HSPA12A: variants seen among roughly 807,000 people sequenced by gnomAD.
HSPA12A encodes heat shock protein family A (Hsp70) member 12A.
In HSPA12A, 28 loss-of-function variants were observed where a neutral mutation model predicts 69.2. The ratio of observed to expected loss-of-function variants is 0.40; its 90% CI spans 0.30 to 0.55. HSPA12A has a LOEUF of 0.55. Ranked by LOEUF, HSPA12A falls within the 20% of genes least tolerant of loss-of-function variation. The pLI is 0.38. For missense variants in HSPA12A, 686 were observed against 900.7 expected, an observed-to-expected ratio of 0.76 and a Z score of 3.05; for synonymous variants, 345 against 370.5, an observed-to-expected ratio of 0.93 and a Z score of 0.79.
At chr10:116,831,806 C>T (rs972915109) in intron 2 of HSPA12A, 6 of 152,140 alleles carry the variant, frequency 3.9e-5, no homozygotes, top group African/African-American at 1.4e-4. Context: ...CACTAATCTC[C>T]TCCAGAATGA....
At chr10:116,795,173 C>A (rs1249271729) in intron 2 of HSPA12A, among the ~76,000 whole-genome samples, 1 of 152,132 alleles carries the variant, frequency 6.6e-6, no homozygotes, top group Non-Finnish European at 1.5e-5. Flanking sequence ...GCAACATGGC[C>A]TTCTTCCACC....
At chr10:116,799,429 C>T (rs921605186) in intron 2 of HSPA12A, among the ~76,000 whole-genome samples, 1 of 152,212 alleles carries the variant, frequency 6.6e-6, no homozygotes, top group Non-Finnish European at 1.5e-5. Flanking sequence ...ATTCCAGCTT[C>T]CCACATACTG....
At chr10:116,718,044 G>A (rs1330448477) in intron 1 of HSPA12A, among the ~76,000 whole-genome samples, 2 of 152,194 alleles carry the variant, frequency 1.3e-5, no homozygotes, top group African/African-American at 4.8e-5. Flanking sequence ...GGGAAGCTCA[G>A]TCTCCATTCT....
chr10:116,839,003 C>T (rs1307937751), intron 1 of HSPA12A, among the ~76,000 whole-genome samples: 1 of 152,196 alleles, frequency 6.6e-6, no homozygotes, highest in Non-Finnish European at 1.5e-5. Flanking sequence ...ATTTCATCCA[C>T]TAAAAGTTAA....
intron 2 of HSPA12A, among the ~76,000 whole-genome samples, chr10:116,764,159 A>C (rs1554889549): frequency 6.6e-6 from 1 of 152,156 alleles, no homozygotes; most frequent in East Asian, 1.9e-4. Flanking sequence ...ACTATGGAAA[A>C]AGTCTTTCCA....
At chr10:116,774,231 G>C (rs1476325672) in intron 2 of HSPA12A, among the ~76,000 whole-genome samples, 1 of 151,974 alleles carries the variant, frequency 6.6e-6, no homozygotes, top group East Asian at 1.9e-4. Context: ...GGATGGTCTC[G>C]ATCTCCTGAC....
At chr10:116,797,378 A>G (rs1218344693) in intron 2 of HSPA12A, among the ~76,000 whole-genome samples, 1 of 152,146 alleles carries the variant, frequency 6.6e-6, no homozygotes, top group Admixed American at 6.5e-5. Flanking sequence ...GGACCTGTGG[A>G]CCAGCAGTCA....
At chr10:116,841,843 C>T (rs1845806916) in intron 1 of HSPA12A, among the ~76,000 whole-genome samples, 1 of 151,572 alleles carries the variant, frequency 6.6e-6, no homozygotes. Context: ...GACAAAATAG[C>T]TGCCAACTCT....
In HSPA12A at chr10:116,848,690, G is replaced by A. The variant is rs529576747; in HGVS notation, c.3+876C>T. The stretch of plus-strand genomic sequence containing the variant: ...TACAATGAAGCCAGGAAGGCACTTC[G>A]GATTGAAAAGGGCAAGGACATAGGC... On this transcript the variant is annotated intron_variant, in intron 1 of 12. Transcript: ENST00000635765. Among the ~76,000 whole-genome samples, 102 of 152,240 alleles carry A rather than the reference G, an allele frequency of 6.7e-4. 1 individual carries two copies. The highest frequency in any genetic ancestry group is 1.2e-3 in the Non-Finnish European group (79 of 68,014).
intron 2 of HSPA12A, among the ~76,000 whole-genome samples, chr10:116,795,618 A>G (rs1437292923): frequency 6.7e-6 from 1 of 148,644 alleles, no homozygotes; most frequent in Non-Finnish European, 1.5e-5. Flanking sequence ...CTCGGGAGGC[A>G]GAGGTTGCAA....
intron 2 of HSPA12A, among the ~76,000 whole-genome samples, chr10:116,762,798 G>A (rs1843999592): frequency 6.6e-6 from 1 of 152,112 alleles, no homozygotes; most frequent in African/African-American, 2.4e-5. Flanking sequence ...TGGCCAGGCT[G>A]GTCTCGAGCT....
chr10:116,768,453 C>A (rs2133112154), intron 2 of HSPA12A, among the ~76,000 whole-genome samples: 1 of 152,248 alleles, frequency 6.6e-6, no homozygotes, highest in South Asian at 2.1e-4. Flanking sequence ...CAGTGAATAT[C>A]CAAAACCCAC....
chr10:116,760,461 A>G (rs1478237399), intron 2 of HSPA12A, among the ~76,000 whole-genome samples: 1 of 152,182 alleles, frequency 6.6e-6, no homozygotes, highest in Non-Finnish European at 1.5e-5. Flanking sequence ...GTGACCTTAA[A>G]TAAGTCACTC....
intron 2 of HSPA12A, among the ~76,000 whole-genome samples, chr10:116,770,715 G>A (rs1844184618): frequency 6.6e-6 from 1 of 152,142 alleles, no homozygotes; most frequent in Non-Finnish European, 1.5e-5. Flanking sequence ...CCAACCTCCT[G>A]TGCACTGTTC....
At chr10:116,773,320 G>T (rs761848886) in intron 2 of HSPA12A, among the ~76,000 whole-genome samples, 4 of 152,200 alleles carry the variant, frequency 2.6e-5, no homozygotes, top group African/African-American at 9.7e-5. Flanking sequence ...ACAGAAGAAG[G>T]CCTGGTACAC....
upstream of HSPA12A, among the ~76,000 whole-genome samples, chr10:116,745,009 C>T (rs150696479): frequency 1.5e-3 from 222 of 152,260 alleles, no homozygotes; most frequent in African/African-American, 5.3e-3. Context: ...CTCTCCCATT[C>T]CCCCCAAAGC....
Position 116,821,424 on chromosome 10 carries a change from C to T in HSPA12A, c.91+13511G>A, listed in dbSNP as rs867899249. On this transcript the variant is annotated intron_variant, in intron 2 of 12. Coordinates refer to the HSPA12A transcript ENST00000635765. ...TTCCCTCAGGCTGCTGCTCAGATGC[C>T]ACCTTCTCAGGAGGCCTCCCCAGAA... 1.4e-4 allele frequency among the ~76,000 whole-genome samples: 22 copies of T among 152,318 alleles called. No individual in the cohort carries two copies. In the Middle Eastern group the frequency reaches 0.01, roughly 71 times the overall value.
intron 2 of HSPA12A, among the ~76,000 whole-genome samples, chr10:116,751,475 G>T (rs1262059547): frequency 6.6e-6 from 1 of 152,142 alleles, no homozygotes; most frequent in African/African-American, 2.4e-5. Context: ...TAACATCTTA[G>T]ATTTCCATTA....
At chr10:116,680,890 T>C (rs1241534495) in intron 9 of HSPA12A, among the ~76,000 whole-genome samples, 2 of 152,242 alleles carry the variant, frequency 1.3e-5, no homozygotes, top group Admixed American at 1.3e-4. Context: ...TTTCGGAATT[T>C]TCAGAAACCA....
Sources: allele counts gnomAD v4.1 joint callset (sites outside exome capture counted in the v4.1 genomes callset), GRCh38; gene constraint gnomAD v4.1.1; transcripts MANE v1.5; gene names NCBI Gene and HGNC (gene_info 2026-07-23, HGNC 2026-07-21).